PYGL: variants seen among roughly 807,000 people sequenced by gnomAD.
PYGL encodes the protein glycogen phosphorylase, liver form.
PYGL carries 90 observed loss-of-function variants against 100.1 expected under a neutral mutation model. The observed-to-expected ratio is 0.90, with a 90% CI of 0.76 to 1.07. The LOEUF (loss-of-function observed/expected upper bound fraction) is 1.07. Among genes scored for constraint, PYGL ranks in the 50% least tolerant of loss-of-function variants. The probability of loss-of-function intolerance (pLI) is 0.00; values close to 1 mark genes in which losing one functional copy is unlikely to be tolerated. For missense variants in PYGL, 1,016 were observed against 1,057.6 expected (o/e 0.96, Z 0.55); for synonymous variants, 373 against 393.0 (o/e 0.95, Z 0.60).
chr14:50,927,232 T>C (rs192266206), intron 4 of PYGL, among the ~76,000 whole-genome samples: 12 of 152,298 alleles, frequency 7.9e-5, no homozygotes, highest in African/African-American at 2.6e-4. Flanking sequence ...ATTTTTATTT[T>C]CATTTTCTTT....
intron 8 of PYGL, 81 bp from the exon 9 acceptor site, chr14:50,916,815 C>A: frequency 6.5e-7 from 1 of 1,543,042 alleles, no homozygotes; most frequent in Non-Finnish European, 9.0e-7. Context: ...CTGGAGAAAG[C>A]ACTGATATGC....
intron 5 of PYGL, among the ~76,000 whole-genome samples, chr14:50,922,719 C>T (rs1218603206): frequency 6.6e-6 from 1 of 152,204 alleles, no homozygotes; most frequent in African/African-American, 2.4e-5. Flanking sequence ...ATCAGCCTGG[C>T]CACTTGCTCA....
chr14:50,920,809 T>A, intron 6 of PYGL, 147 bp downstream of exon 6: 1 of 991,148 alleles, frequency 1.0e-6, no homozygotes, highest in South Asian at 1.4e-5. Flanking sequence ...CCCTCCCTAC[T>A]TCCTCCATAC....
In PYGL at chr14:50,905,376, G is replaced by C. The variant is rs773907631; in HGVS notation, c.*16C>G. ...GTTCAGTAAGAAGCTATGTTTTCTA[G>C]AGACAATTCTAGAGTTCAATTTCCA... is the stretch of plus-strand genomic sequence containing the variant. On this transcript the variant is annotated 3_prime_UTR_variant, in exon 20 of 20. Coordinates refer to ENST00000216392, the MANE Select transcript of PYGL (RefSeq NM_002863.5). 3.8e-6 allele frequency: 6 copies of C among 1,579,056 alleles called. No homozygotes were observed. The highest frequency in any genetic ancestry group is 5.2e-6 in the Non-Finnish European group (6 of 1,164,224).
At chr14:50,912,065 G>A (rs2142791370) in intron 14 of PYGL, 29 bp from the exon 15 acceptor site, 3 of 1,613,302 alleles carry the variant, frequency 1.9e-6, no homozygotes, top group East Asian at 2.2e-5. Context: ...TGGATGAAAT[G>A]GAAGACAGCT....
chr14:50,927,511 C>T (rs1394193447), intron 4 of PYGL, among the ~76,000 whole-genome samples: 1 of 152,176 alleles, frequency 6.6e-6, no homozygotes, highest in Non-Finnish European at 1.5e-5. Context: ...AGGCGTGAGC[C>T]ACCACGATAA....
At chr14:50,936,798 A>T (rs867971681) in intron 2 of PYGL, among the ~76,000 whole-genome samples, 8 of 152,320 alleles carry the variant, frequency 5.3e-5, no homozygotes, top group East Asian at 1.9e-4. Flanking sequence ...CTCAAAAAAA[A>T]AAAAAAGTAT....
At chr14:50,941,007 C>G (rs1017025495) in intron 1 of PYGL, among the ~76,000 whole-genome samples, 10 of 152,084 alleles carry the variant, frequency 6.6e-5, no homozygotes, top group Admixed American at 3.9e-4. Context: ...AAGGTGGGTA[C>G]AGAGGGTAAT....
rs766225037 is a variant in PYGL at position 50,913,035 on chromosome 14, C to T, written c.1614G>A (p.Val538=). Residue 538 remains valine (V), a synonymous_variant, in exon 13 of 20, where the codon GTG becomes GTA. Transcript: ENST00000216392. ...CCACACCTGGAAGGCTCACCTGCTTCACCTTGGCGAGTTCCCGGAGGAAGA... is the reference window on the plus strand; with the variant it reads ...CCACACCTGGAAGGCTCACCTGCTTTACCTTGGCGAGTTCCCGGAGGAAGA... ...DDVFLRELAK[V]KQENKLKFSQ... 2 of 1,613,896 alleles carry T rather than the reference C, an allele frequency of 1.2e-6. No homozygotes were observed. Among genetic ancestry groups the T allele is most frequent in the South Asian group, 1.1e-5 (1 of 91,082 alleles).
At chr14:50,922,486 C>A (rs947043676) in intron 5 of PYGL, among the ~76,000 whole-genome samples, 6 of 152,142 alleles carry the variant, frequency 3.9e-5, no homozygotes, top group Non-Finnish European at 7.3e-5. Context: ...CATTTGCAGG[C>A]TGGGATTGAG....
At chr14:50,937,204 C>T (rs534164518) in intron 2 of PYGL, among the ~76,000 whole-genome samples, 7 of 152,310 alleles carry the variant, frequency 4.6e-5, no homozygotes, top group African/African-American at 1.4e-4. Context: ...TAAATATATT[C>T]ATGAAAACAA....
In PYGL at chr14:50,911,758, C is replaced by T. The variant is rs760649852; in HGVS notation, c.1941G>A (p.Glu647=). Residue 647 remains glutamate (E), a synonymous_variant, in exon 16 of 20, where the codon GAG becomes GAA. Transcript: ENST00000216392. ...VGSKLKVIFL[E]NYRVSLAEKV... is the part of the protein sequence containing the mutation. ...TTTCAGCAAGAGATACTCTGTAGTT[C>T]TCCAAGAAGATGACTTTCAACTTGC... 68 of 1,614,054 alleles carry T rather than the reference C, an allele frequency of 4.2e-5. No homozygotes were observed. Among genetic ancestry groups the T allele is most frequent in the African/African-American group, 5.3e-5 (4 of 74,920 alleles).
chr14:50,908,452 CA>C, intron 18 of PYGL, 115 bp from the exon 19 acceptor site: 3 of 974,522 alleles, frequency 3.1e-6, no homozygotes, highest in Non-Finnish European at 4.8e-6. Context: ...GCTGGTTTAC[CA>C]AATTCATATT....
Position 50,908,868 on chromosome 14 carries a change from C to T in PYGL, c.2265G>A (p.Gln755=), listed in dbSNP as rs1423991546. ...QIDNGFFSPK[Q]PDLFKDIINM... ...TGATGATATCTTTGAAGAGGTCAGG[C>T]TGCTTGGGAGAAAAAAAGCCATTGT... The change falls in exon 18 of 20, where the codon CAG becomes CAA. Residue 755 remains glutamine (Q), a synonymous_variant. Transcript: ENST00000216392. The T allele has an allele frequency of 6.4e-7, 1 of 1,573,454 alleles. No homozygotes were observed. The highest frequency in any genetic ancestry group is 1.1e-5 in the South Asian group (1 of 90,268).
chr14:50,917,249 G>A (rs2050461719), intron 7 of PYGL, 144 bp from the exon 8 acceptor site: 1 of 905,262 alleles, frequency 1.1e-6, no homozygotes, highest in Middle Eastern at 2.6e-4. Context: ...CAAACTGTGA[G>A]CCTTTGCTCT....
chr14:50,915,235 A>G, intron 11 of PYGL, 101 bp downstream of exon 11: 1 of 1,390,356 alleles, frequency 7.2e-7, no homozygotes, highest in East Asian at 2.3e-5. Flanking sequence ...TAAACATTTG[A>G]ACAAGGCCTT....
intron 13 of PYGL, 53 bp from the exon 14 acceptor site, chr14:50,912,356 G>A: frequency 5.6e-6 from 9 of 1,595,490 alleles, no homozygotes; most frequent in South Asian, 3.3e-5. Context: ...AGAATTGGGT[G>A]GTCTGGTTTT....
At chr14:50,914,089 C>T (rs965187709) in intron 12 of PYGL, among the ~76,000 whole-genome samples, 10 of 152,152 alleles carry the variant, frequency 6.6e-5, no homozygotes, top group African/African-American at 2.2e-4. Flanking sequence ...TTTATATGAG[C>T]TTTATTATCC....
intron 13 of PYGL, 182 bp from the exon 14 acceptor site, chr14:50,912,485 G>A (rs1285898108): frequency 9.7e-6 from 7 of 721,948 alleles, no homozygotes; most frequent in Non-Finnish European, 1.6e-5. Flanking sequence ...GGGATTACAG[G>A]TATACACCAC....
Sources: allele counts gnomAD v4.1 joint callset (sites outside exome capture counted in the v4.1 genomes callset), GRCh38; gene constraint gnomAD v4.1.1; transcripts MANE v1.5; gene names NCBI Gene and HGNC (gene_info 2026-07-23, HGNC 2026-07-21).